Variants in UBE2W observed in about 807,000 individuals in gnomAD.
UBE2W encodes the protein ubiquitin conjugating enzyme E2 W.
A neutral mutation model predicts 27.2 loss-of-function variants in UBE2W; 18 were observed. The observed-to-expected ratio is 0.66, with a 90% CI of 0.46 to 0.98. The LOEUF (loss-of-function observed/expected upper bound fraction) is 0.98, where lower values mean the gene tolerates loss of function less well. Among genes scored for constraint, UBE2W ranks in the 50% least tolerant of loss-of-function variants. UBE2W has a pLI of 0.00. For synonymous variants in UBE2W, 53 were observed against 57.2 expected (o/e 0.93, Z 0.33); for missense variants, 90 against 180.2 (o/e 0.50, Z 2.87).
intron 3 of UBE2W, among the ~76,000 whole-genome samples, chr8:73,819,177 C>T (rs1809510191): frequency 6.6e-6 from 1 of 152,154 alleles, no homozygotes; most frequent in South Asian, 2.1e-4. Flanking sequence ...GAAATCTTTC[C>T]CAGTGACTCT....
rs142668005 is a variant in UBE2W, at chr8:73,857,624, T to C, written c.15+21184A>G. On this transcript the variant is annotated intron_variant, in intron 1 of 5. Coordinates refer to ENST00000602593, the MANE Select transcript of UBE2W (RefSeq NM_018299.6). Reference sequence around the variant, plus strand: ...CAAGGTCAGGAGTTCGAGACCAGCCTGGCCAATATAGTGAAATCCTGTCGC... The same window carrying C: ...CAAGGTCAGGAGTTCGAGACCAGCCCGGCCAATATAGTGAAATCCTGTCGC... Among the ~76,000 whole-genome samples, 1,166 of 152,108 alleles carry C rather than the reference T, an allele frequency of 7.7e-3. 21 individuals are homozygous for C. The highest frequency in any genetic ancestry group is 0.026 in the African/African-American group (1,091 of 41,494).
At chr8:73,795,914 T>A (rs535121676) in intron 5 of UBE2W, 30 of 274,468 alleles carry the variant, frequency 1.1e-4, no homozygotes, top group African/African-American at 6.6e-4. Context: ...AAATGTTGCC[T>A]CTACAAAAAA....
chr8:73,847,656 C>A (rs1810871888), intron 1 of UBE2W, among the ~76,000 whole-genome samples: 1 of 152,092 alleles, frequency 6.6e-6, no homozygotes, highest in South Asian at 2.1e-4. Flanking sequence ...AATCCCAGCA[C>A]TTTGGGAGGC....
chr8:73,874,388 C>T (rs1392727986), intron 1 of UBE2W, among the ~76,000 whole-genome samples: 1 of 152,116 alleles, frequency 6.6e-6, no homozygotes, highest in Non-Finnish European at 1.5e-5. Flanking sequence ...GCCGAGATCG[C>T]ACCACTGCAC....
At chr8:73,868,573 A>G (rs1811871664) in intron 1 of UBE2W, among the ~76,000 whole-genome samples, 1 of 152,156 alleles carries the variant, frequency 6.6e-6, no homozygotes, top group Admixed American at 6.5e-5. Context: ...GTCGTGGGTA[A>G]CCTGGGAACC....
chr8:73,870,907 G>A (rs1811984186), intron 1 of UBE2W, among the ~76,000 whole-genome samples: 1 of 150,344 alleles, frequency 6.7e-6, no homozygotes. Flanking sequence ...AAAACAACAA[G>A]CAGGAGTAGC....
At position 73,791,246 on chromosome 8, in the gene UBE2W, A is replaced by C. The variant is rs548278890; in HGVS notation, c.*2856T>G. On this transcript the variant is annotated 3_prime_UTR_variant, in exon 6 of 6. Transcript: ENST00000602593. ...CAATCCTTCTCTCTAAACCTATGGC[A>C]TTAATCCCTACTTGACCAAAGAAAA... The C allele has an allele frequency of 9.2e-6, 9 of 983,474 alleles. No homozygotes were observed. In the East Asian group the frequency reaches 1.0e-3, roughly 112 times the overall value. 60.9% of individuals were successfully genotyped at this position (983,474 alleles called of 1,614,324 possible).
In UBE2W at chr8:73,800,692, C is replaced by A. The variant is rs545335935; in HGVS notation, c.442+4959G>T. ...GAAAGCCTATTTTTTTGGTACTTCT[C>A]GGCTTACTTGGAGATTACGTGTCTC... On this transcript the variant is annotated intron_variant, in intron 5 of 5. Transcript: ENST00000602593. 2.0e-5 allele frequency among the ~76,000 whole-genome samples: 3 copies of A among 152,140 alleles called. No individual in the cohort carries two copies. In the East Asian group the frequency reaches 5.8e-4, roughly 29 times the overall value.
At chr8:73,797,529 A>G (rs921369942) in intron 5 of UBE2W, among the ~76,000 whole-genome samples, 1 of 152,364 alleles carries the variant, frequency 6.6e-6, no homozygotes, top group African/African-American at 2.4e-5. Flanking sequence ...AAATGGTTTT[A>G]TAACTCCAAA....
chr8:73,854,851 T>C (rs1362994847), intron 1 of UBE2W, among the ~76,000 whole-genome samples: 1 of 152,212 alleles, frequency 6.6e-6, no homozygotes, highest in Non-Finnish European at 1.5e-5. Flanking sequence ...ATAAAGTCAA[T>C]TAACATGTTT....
chr8:73,827,551 A>C (rs1004095659), intron 2 of UBE2W, among the ~76,000 whole-genome samples: 4 of 151,350 alleles, frequency 2.6e-5, no homozygotes, highest in Non-Finnish European at 5.9e-5. Context: ...TTGTTTTGAG[A>C]CAGGGTCTCA....
intron 1 of UBE2W, among the ~76,000 whole-genome samples, chr8:73,835,829 A>G (rs909339735): frequency 6.6e-6 from 1 of 152,160 alleles, no homozygotes; most frequent in Admixed American, 6.5e-5. Flanking sequence ...GAATCAAGCT[A>G]TCATGTTGAG....
intron 4 of UBE2W, among the ~76,000 whole-genome samples, chr8:73,808,115 A>C (rs951013212): frequency 6.6e-6 from 1 of 152,234 alleles, no homozygotes; most frequent in Non-Finnish European, 1.5e-5. Flanking sequence ...CCAAACACCT[A>C]AAGTAAAATA....
chr8:73,796,903 T>TA (rs869172160), intron 5 of UBE2W, among the ~76,000 whole-genome samples: 1 of 2,040 alleles, frequency 4.9e-4, no homozygotes, highest in African/African-American at 3.8e-3. Context: ...AAATAAAAAA[T>TA]AAAAAAAATC....
intron 1 of UBE2W, among the ~76,000 whole-genome samples, chr8:73,846,935 G>A (rs1042933949): frequency 2.0e-5 from 3 of 152,190 alleles, no homozygotes; most frequent in African/African-American, 7.2e-5. Context: ...AACTTTGGGA[G>A]GCCGAGGCGG....
downstream of UBE2W, among the ~76,000 whole-genome samples, chr8:73,782,043 C>T (rs1164919008): frequency 6.7e-6 from 1 of 148,158 alleles, no homozygotes; most frequent in East Asian, 2.0e-4. Flanking sequence ...CGGGTTCAAG[C>T]GATTCTTCTG....
chr8:73,870,161 G>GA (rs1227436404), intron 1 of UBE2W: 2 of 1,159,762 alleles, frequency 1.7e-6, no homozygotes, highest in African/African-American at 3.1e-5. Flanking sequence ...TCAATTAGAA[G>GA]AAAAAATTGT....
At chr8:73,855,201 T>C (rs1811235558) in intron 1 of UBE2W, among the ~76,000 whole-genome samples, 1 of 152,014 alleles carries the variant, frequency 6.6e-6, no homozygotes, top group Non-Finnish European at 1.5e-5. Context: ...CAATGAAAAA[T>C]ACACCAGAAT....
intron 1 of UBE2W, chr8:73,833,906 TC>T (rs373091440): frequency 1.2e-3 from 182 of 152,234 alleles, no homozygotes; most frequent in African/African-American, 4.0e-3. Context: ...AACCTGGTGG[TC>T]CCTCGCTCCC....
Sources: gnomAD v4.1 joint callset for allele counts (sites outside exome capture counted in the v4.1 genomes callset) on GRCh38, gnomAD v4.1.1 for gene constraint, MANE v1.5 for transcripts, NCBI Gene and HGNC (gene_info 2026-07-23, HGNC 2026-07-21) for gene names.